The following PDE4B variants were observed in gnomAD, a reference collection of about 807,000 sequenced individuals.
PDE4B encodes phosphodiesterase 4B, also known as 3',5'-cyclic-AMP phosphodiesterase 4B.
In PDE4B, 20 loss-of-function variants were observed where a neutral mutation model predicts 82.2. That is an observed-to-expected ratio of 0.24 (90% CI 0.17 to 0.35). The LOEUF (loss-of-function observed/expected upper bound fraction) is 0.35, where lower values mean the gene tolerates loss of function less well. PDE4B is among the 10% of genes least tolerant of loss of function. PDE4B has a pLI of 1.00. For synonymous variants in PDE4B, 320 were observed against 318.9 expected, an observed-to-expected ratio of 1.00 and a Z score of -0.04; for missense variants, 655 against 907.2, an observed-to-expected ratio of 0.72 and a Z score of 3.57.
intron 1 of PDE4B, among the ~76,000 whole-genome samples, chr1:65,883,330 G>C (rs6695557): frequency 3.9e-5 from 6 of 151,938 alleles, no homozygotes; most frequent in South Asian, 2.1e-4. Flanking sequence ...CTTTTATTTC[G>C]CTGAGCAGTG....
chr1:66,280,219 C>T (rs940814993), intron 7 of PDE4B, among the ~76,000 whole-genome samples: 3 of 152,212 alleles, frequency 2.0e-5, no homozygotes, highest in Non-Finnish European at 2.9e-5. Context: ...AATGATAGTT[C>T]GAAAGACCAG....
intron 3 of PDE4B, among the ~76,000 whole-genome samples, chr1:65,958,807 C>A (rs948823414): frequency 1.3e-5 from 2 of 152,030 alleles, no homozygotes; most frequent in Non-Finnish European, 2.9e-5. Context: ...GTTACCTTAT[C>A]TTTTTAACCT....
intron 3 of PDE4B, among the ~76,000 whole-genome samples, chr1:65,934,281 T>C (rs3969967): frequency 6.6e-6 from 1 of 152,006 alleles, no homozygotes; most frequent in Admixed American, 6.5e-5. Context: ...AGACCCTATC[T>C]GTAAAACAAT....
intron 3 of PDE4B, among the ~76,000 whole-genome samples, chr1:66,096,018 G>C (rs1247445945): frequency 6.6e-6 from 1 of 151,638 alleles, no homozygotes; most frequent in Non-Finnish European, 1.5e-5. Flanking sequence ...TCATTGCTTT[G>C]TGTTAGGAAC....
intron 3 of PDE4B, among the ~76,000 whole-genome samples, chr1:66,203,289 T>G (rs1354208953): frequency 6.6e-6 from 1 of 152,168 alleles, no homozygotes; most frequent in Non-Finnish European, 1.5e-5. Flanking sequence ...CATTTTTTCC[T>G]TCATTTCAAC....
chr1:66,356,193 T>C (rs1232586397), intron 9 of PDE4B, among the ~76,000 whole-genome samples: 1 of 152,228 alleles, frequency 6.6e-6, no homozygotes, highest in Non-Finnish European at 1.5e-5. Flanking sequence ...CTGAAGGATT[T>C]CATCTTCTGC....
intron 7 of PDE4B, among the ~76,000 whole-genome samples, chr1:66,326,165 TA>T (rs1016780757): frequency 6.6e-6 from 1 of 152,222 alleles, no homozygotes; most frequent in Admixed American, 6.5e-5. Flanking sequence ...AAATGTTTTT[TA>T]GAAATTCTGC....
chr1:66,005,228 A>AT (rs1285032483), intron 3 of PDE4B, among the ~76,000 whole-genome samples: 2 of 152,032 alleles, frequency 1.3e-5, no homozygotes, highest in Non-Finnish European at 2.9e-5. Context: ...TAAGTGAGAG[A>AT]CTGGAGACAG....
intron 3 of PDE4B, among the ~76,000 whole-genome samples, chr1:65,929,612 G>T (rs1557439454): frequency 6.6e-6 from 1 of 152,186 alleles, no homozygotes; most frequent in Non-Finnish European, 1.5e-5. Flanking sequence ...ATTTGCTTCT[G>T]AAGCCAGGAG....
chr1:66,083,907 A>C (rs1656870238), intron 3 of PDE4B, among the ~76,000 whole-genome samples: 1 of 152,282 alleles, frequency 6.6e-6, no homozygotes, highest in South Asian at 2.1e-4. Context: ...TTCTTCAGCT[A>C]CATTGTAGGT....
At chr1:65,823,231 A>G (rs1423461855) in intron 1 of PDE4B, among the ~76,000 whole-genome samples, 1 of 151,782 alleles carries the variant, frequency 6.6e-6, no homozygotes, top group South Asian at 2.1e-4. Context: ...CCCCGTCTCT[A>G]CTAAAAATAC....
chr1:66,353,848 A>G lies in PDE4B; in HGVS notation c.748-1679A>G, dbSNP rs553378201. ...GAAGATGTAACACTAAATCTCAAAC[A>G]ATTCACCATTCTTTCAGTAAATGAA... On this transcript the variant is annotated intron_variant, in intron 8 of 16. Coordinates refer to ENST00000341517, the MANE Select transcript of PDE4B (RefSeq NM_002600.4). 3.9e-5 allele frequency among the ~76,000 whole-genome samples: 6 copies of G among 152,294 alleles called. No homozygotes were observed. In the East Asian group the frequency reaches 7.7e-4, roughly 20 times the overall value.
intron 7 of PDE4B, among the ~76,000 whole-genome samples, chr1:66,314,937 G>T (rs564110064): frequency 6.6e-6 from 1 of 152,162 alleles, no homozygotes; most frequent in Non-Finnish European, 1.5e-5. Context: ...TGCAGTCCAT[G>T]GTTTGCCCTT....
chr1:65,988,901 A>G (rs1405052674), intron 3 of PDE4B, among the ~76,000 whole-genome samples: 1 of 152,176 alleles, frequency 6.6e-6, no homozygotes, highest in Non-Finnish European at 1.5e-5. Flanking sequence ...TATAAAAAGT[A>G]TGTAATTATT....
rs189733328 is a variant in PDE4B, at chr1:66,011,273, A to T, written c.281+92438A>T. On this transcript the variant is annotated intron_variant, in intron 3 of 16. Coordinates refer to ENST00000341517, the MANE Select transcript of PDE4B (RefSeq NM_002600.4). ...GAGTTCTTTAGCTCTATTTCTATGG[A>T]TGGAAAGCTGGATTAATTTTCAACA... Among the ~76,000 whole-genome samples the T allele has an allele frequency of 2.7e-5, 4 of 149,430 alleles. No individual in the cohort carries two copies. The East Asian group carries it at 7.8e-4, about 29-fold the overall frequency.
intron 1 of PDE4B, among the ~76,000 whole-genome samples, chr1:65,872,418 C>T (rs1379932024): frequency 6.6e-6 from 1 of 152,084 alleles, no homozygotes; most frequent in Admixed American, 6.6e-5. Flanking sequence ...GTCCATGTTT[C>T]AGTTGACACT....
chr1:66,146,129 C>A (rs537976096), intron 3 of PDE4B, among the ~76,000 whole-genome samples: 1 of 148,270 alleles, frequency 6.7e-6, no homozygotes, highest in East Asian at 2.0e-4. Context: ...CAACACTACT[C>A]ATCCTGAACA....
At chr1:66,236,869 C>A (rs753840252) in intron 3 of PDE4B, among the ~76,000 whole-genome samples, 1 of 152,262 alleles carries the variant, frequency 6.6e-6, no homozygotes, top group African/African-American at 2.4e-5. Context: ...TTTAAATCCA[C>A]GATGTACCAT....
chr1:65,839,523 G>A (rs1570999097), intron 1 of PDE4B, among the ~76,000 whole-genome samples: 1 of 152,038 alleles, frequency 6.6e-6, no homozygotes, highest in Admixed American at 6.6e-5. Flanking sequence ...TGCAGTGTTT[G>A]GTTCTCTGTT....
Sources: gnomAD v4.1 joint callset for allele counts (sites outside exome capture counted in the v4.1 genomes callset) on GRCh38, gnomAD v4.1.1 for gene constraint, MANE v1.5 for transcripts, NCBI Gene and HGNC (gene_info 2026-07-23, HGNC 2026-07-21) for gene names.